The following PIAS2 variants were observed in gnomAD, a reference collection of about 807,000 sequenced individuals.
PIAS2 encodes the protein protein inhibitor of activated STAT 2, also known as E3 SUMO-protein ligase PIAS2.
PIAS2 carries 19 observed loss-of-function variants against 69.7 expected under a neutral mutation model. The observed-to-expected ratio is 0.27, with a 90% CI of 0.19 to 0.40. PIAS2 has a LOEUF of 0.40. PIAS2 is among the 10% of genes least tolerant of loss of function. PIAS2 has a pLI of 1.00. For synonymous variants in PIAS2, 261 were observed against 263.2 expected (o/e 0.99, Z 0.08); for missense variants, 624 against 757.0 (o/e 0.82, Z 2.06).
At chr18:46,859,344 C>T (rs898172290) in intron 3 of PIAS2, among the ~76,000 whole-genome samples, 4 of 142,568 alleles carry the variant, frequency 2.8e-5, no homozygotes, top group Non-Finnish European at 6.0e-5. Flanking sequence ...AGGAGAATGG[C>T]GTGAACTCGG....
intron 2 of PIAS2, among the ~76,000 whole-genome samples, chr18:46,879,812 A>C (rs1329489795): frequency 6.6e-6 from 1 of 152,236 alleles, no homozygotes; most frequent in East Asian, 1.9e-4. Context: ...ACAAGAAGAC[A>C]GATAATATGA....
intron 1 of PIAS2, chr18:46,901,069 A>G (rs1165494871): frequency 2.5e-6 from 1 of 401,024 alleles, no homozygotes; most frequent in South Asian, 1.8e-5. Context: ...TTCCAAATTC[A>G]TTTTATGAAA....
intron 1 of PIAS2, among the ~76,000 whole-genome samples, chr18:46,909,403 T>C (rs1345328265): frequency 6.6e-6 from 1 of 152,158 alleles, no homozygotes. Flanking sequence ...TGGGCCACTA[T>C]GCCCAGCTAA....
At chr18:46,863,405 G>A (rs1437309186) in intron 3 of PIAS2, among the ~76,000 whole-genome samples, 2 of 152,038 alleles carry the variant, frequency 1.3e-5, no homozygotes, top group Non-Finnish European at 2.9e-5. Flanking sequence ...GCTCACTGCA[G>A]CCTCGACCTC....
intron 2 of PIAS2, among the ~76,000 whole-genome samples, chr18:46,875,240 T>C (rs2050978104): frequency 6.6e-6 from 1 of 152,162 alleles, no homozygotes; most frequent in Non-Finnish European, 1.5e-5. Flanking sequence ...AGTATAAGCA[T>C]GGAGCCTTAA....
At chr18:46,870,859 C>T (rs899692707) in intron 2 of PIAS2, among the ~76,000 whole-genome samples, 13 of 152,040 alleles carry the variant, frequency 8.6e-5, no homozygotes, top group Non-Finnish European at 4.4e-5. Context: ...CCAAAAATTT[C>T]CAGCCCAAGA....
intron 1 of PIAS2, among the ~76,000 whole-genome samples, chr18:46,896,260 A>G (rs1380083618): frequency 7.5e-6 from 1 of 132,578 alleles, no homozygotes; most frequent in Non-Finnish European, 1.7e-5. Flanking sequence ...CTTATAAATG[A>G]AAAAAAAAAA....
chr18:46,861,035 T>G (rs1280635868), intron 3 of PIAS2, among the ~76,000 whole-genome samples: 1 of 151,628 alleles, frequency 6.6e-6, no homozygotes, highest in Non-Finnish European at 1.5e-5. Flanking sequence ...ATCCCAACAC[T>G]TTGGGAGGCC....
chr18:46,870,251 G>A (rs2050126047), intron 2 of PIAS2, among the ~76,000 whole-genome samples: 1 of 152,086 alleles, frequency 6.6e-6, no homozygotes, highest in Non-Finnish European at 1.5e-5. Context: ...TGAGGGAAGT[G>A]CCCCTTGGAG....
intron 2 of PIAS2, among the ~76,000 whole-genome samples, chr18:46,882,770 A>G (rs1317734864): frequency 6.6e-6 from 1 of 152,238 alleles, no homozygotes; most frequent in East Asian, 1.9e-4. Flanking sequence ...TTTCCAGGAA[A>G]TACTGTTAAG....
chr18:46,839,182 C>A (rs796342265), intron 8 of PIAS2, among the ~76,000 whole-genome samples: 67 of 152,150 alleles, frequency 4.4e-4, no homozygotes, highest in African/African-American at 1.1e-3. Context: ...AACTCAATCA[C>A]TAAACTTATT....
chr18:46,876,238 A>T (rs1173559072), intron 2 of PIAS2, among the ~76,000 whole-genome samples: 1 of 152,254 alleles, frequency 6.6e-6, no homozygotes, highest in Admixed American at 6.5e-5. Context: ...AAAGGATTGT[A>T]TAACAAGAGA....
intron 12 of PIAS2, 98 bp from the exon 13 acceptor site, chr18:46,815,447 G>C: frequency 6.3e-7 from 1 of 1,584,478 alleles, no homozygotes; most frequent in Non-Finnish European, 8.6e-7. Flanking sequence ...AACATTTGTG[G>C]TAAGTGCTTA....
At chr18:46,866,729 G>T (rs551893855) in intron 2 of PIAS2, among the ~76,000 whole-genome samples, 1 of 152,142 alleles carries the variant, frequency 6.6e-6, no homozygotes, top group African/African-American at 2.4e-5. Context: ...GAATGGAGGG[G>T]GTAGATAAAG....
At chr18:46,841,322 C>T (rs550918309) in intron 8 of PIAS2, among the ~76,000 whole-genome samples, 1 of 152,294 alleles carries the variant, frequency 6.6e-6, no homozygotes, top group South Asian at 2.1e-4. Flanking sequence ...TATCACCCTA[C>T]ACTATCATTT....
chr18:46,824,641 C>T, intron 11 of PIAS2, among the ~76,000 whole-genome samples: 1 of 151,948 alleles, frequency 6.6e-6, no homozygotes, highest in East Asian at 1.9e-4. Flanking sequence ...TTGCTTTCTT[C>T]TTGGTGCTTT....
chr18:46,863,974 G>A (rs2049044908), intron 3 of PIAS2, among the ~76,000 whole-genome samples, 190 bp downstream of exon 3: 1 of 152,154 alleles, frequency 6.6e-6, no homozygotes, highest in Non-Finnish European at 1.5e-5. Flanking sequence ...TCTGAGACGT[G>A]CAAGCCAAGG....
chr18:46,866,550 C>A (rs12454599), intron 2 of PIAS2, among the ~76,000 whole-genome samples: 2,300 of 152,206 alleles, frequency 0.015, 84 homozygotes, highest in East Asian at 0.14. Flanking sequence ...AACATAAATT[C>A]AAAACTGGAT....
intron 1 of PIAS2, among the ~76,000 whole-genome samples, chr18:46,913,992 G>A (rs538056574): frequency 6.6e-6 from 1 of 152,308 alleles, no homozygotes; most frequent in South Asian, 2.1e-4. Context: ...AGGAAGCAAG[G>A]CAGCAGTGAC....
Sources: allele counts gnomAD v4.1 joint callset (sites outside exome capture counted in the v4.1 genomes callset), GRCh38; gene constraint gnomAD v4.1.1; transcripts MANE v1.5; gene names NCBI Gene and HGNC (gene_info 2026-07-23, HGNC 2026-07-21).